The following SAMD5 variants were observed in gnomAD, a reference collection of about 807,000 sequenced individuals.
SAMD5 encodes sterile alpha motif domain containing 5.
Under a neutral mutation model 11.3 loss-of-function variants are expected in SAMD5, and 13 were observed. The ratio of observed to expected loss-of-function variants is 1.15; its 90% CI spans 0.75 to 1.83. The LOEUF is 1.83. Ranked by LOEUF, SAMD5 falls within the 40% of genes most tolerant of loss-of-function variation. The pLI, the probability that SAMD5 is intolerant of heterozygous loss-of-function variation, is 0.00. For synonymous variants in SAMD5, 129 were observed against 111.3 expected, an observed-to-expected ratio of 1.16 and a Z score of -1.00; for missense variants, 255 against 239.1, an observed-to-expected ratio of 1.07 and a Z score of -0.44.
intron 1 of SAMD5, among the ~76,000 whole-genome samples, chr6:147,714,370 C>A (rs563418408): frequency 6.6e-6 from 1 of 152,106 alleles, no homozygotes; most frequent in African/African-American, 2.4e-5. Flanking sequence ...GGGAAGGCAT[C>A]CCAAAGAGAG....
At chr6:147,930,602 G>A in the SAMD5 span, among the ~76,000 whole-genome samples, 1 of 152,122 alleles carries the variant, frequency 6.6e-6, no homozygotes, top group East Asian at 1.9e-4. Flanking sequence ...TTGGTAGCAT[G>A]GCTCCTAGGG....
chr6:147,654,605 T>C (rs1466681341), intron 1 of SAMD5, among the ~76,000 whole-genome samples: 1 of 152,094 alleles, frequency 6.6e-6, no homozygotes, highest in Non-Finnish European at 1.5e-5. Flanking sequence ...TTTTTCTTCC[T>C]TCTGATTAGC....
chr6:147,603,536 C>T (rs546307250), intron 1 of SAMD5, among the ~76,000 whole-genome samples: 190 of 152,210 alleles, frequency 1.2e-3, no homozygotes, highest in African/African-American at 4.3e-3. Flanking sequence ...GTTGGAGGAG[C>T]GACAAGAATG....
chr6:147,952,841 A>G, the SAMD5 span, among the ~76,000 whole-genome samples: 1 of 152,186 alleles, frequency 6.6e-6, no homozygotes, highest in Non-Finnish European at 1.5e-5. Flanking sequence ...GAAAGAACCT[A>G]TATGAAATAA....
At chr6:147,578,471 C>T (rs1204814050) in intron 1 of SAMD5, among the ~76,000 whole-genome samples, 5 of 152,150 alleles carry the variant, frequency 3.3e-5, no homozygotes, top group African/African-American at 9.7e-5. Context: ...CTTTAAAAAT[C>T]ACATCAGTTA....
At chr6:147,786,312 T>C in the SAMD5 span, among the ~76,000 whole-genome samples, 2 of 152,362 alleles carry the variant, frequency 1.3e-5, no homozygotes, top group Non-Finnish European at 2.9e-5. Flanking sequence ...AATAATCTAT[T>C]ATCCTTGGAA....
the SAMD5 span, among the ~76,000 whole-genome samples, chr6:147,775,823 G>A: frequency 7.3e-3 from 1,106 of 152,282 alleles, 16 homozygotes; most frequent in African/African-American, 0.025. Flanking sequence ...CCAGCTGTGT[G>A]ATCCAAGTCA....
chr6:147,747,818 G>A, the SAMD5 span, among the ~76,000 whole-genome samples: 1 of 152,118 alleles, frequency 6.6e-6, no homozygotes, highest in Non-Finnish European at 1.5e-5. Context: ...CTGCTGCGTT[G>A]GTTGTCTTTA....
intron 1 of SAMD5, among the ~76,000 whole-genome samples, chr6:147,562,280 G>A (rs1370832520): frequency 6.6e-6 from 1 of 152,222 alleles, no homozygotes; most frequent in African/African-American, 2.4e-5. Context: ...GCAGAAGTCT[G>A]TTGAACATGG....
At chr6:147,544,912 A>G (rs1788662649) in intron 1 of SAMD5, among the ~76,000 whole-genome samples, 1 of 152,188 alleles carries the variant, frequency 6.6e-6, no homozygotes, top group Admixed American at 6.5e-5. Context: ...TTCTTTGACA[A>G]CAAAATAAAT....
chr6:147,802,517 A>T, the SAMD5 span, among the ~76,000 whole-genome samples: 1 of 152,204 alleles, frequency 6.6e-6, no homozygotes, highest in Admixed American at 6.5e-5. Flanking sequence ...TATAAAGTTA[A>T]ACATGCATTT....
At chr6:147,851,045 C>T in the SAMD5 span, among the ~76,000 whole-genome samples, 2 of 149,742 alleles carry the variant, frequency 1.3e-5, no homozygotes, top group Non-Finnish European at 3.0e-5. Context: ...CTCCCAGATT[C>T]AAGGGATTCT....
chr6:147,736,905 G>A (rs1262573726), intron 1 of SAMD5, among the ~76,000 whole-genome samples: 1 of 151,832 alleles, frequency 6.6e-6, no homozygotes, highest in Admixed American at 6.6e-5. Flanking sequence ...TGTGTTTGGA[G>A]GTATTTATAT....
At chr6:147,811,026 C>T in the SAMD5 span, among the ~76,000 whole-genome samples, 1 of 152,304 alleles carries the variant, frequency 6.6e-6, no homozygotes, top group East Asian at 1.9e-4. Context: ...TGCTGTGCAA[C>T]ATTGGGCAAG....
intron 1 of SAMD5, among the ~76,000 whole-genome samples, chr6:147,518,187 T>C (rs1031173849): frequency 1.3e-5 from 2 of 152,162 alleles, no homozygotes; most frequent in African/African-American, 4.8e-5. Context: ...AATCAGGATT[T>C]GGATAGTGTA....
the SAMD5 span, among the ~76,000 whole-genome samples, chr6:147,876,204 G>T: frequency 3.9e-5 from 6 of 152,156 alleles, no homozygotes; most frequent in African/African-American, 1.4e-4. Flanking sequence ...TTTTAATCTT[G>T]TGCTGAGCCT....
the SAMD5 span, among the ~76,000 whole-genome samples, chr6:147,922,496 CA>C: frequency 6.6e-6 from 1 of 151,974 alleles, no homozygotes; most frequent in African/African-American, 2.4e-5. Flanking sequence ...CGCTAAAAAT[CA>C]AAAAGAATAT....
At chr6:147,544,107 T>C (rs1185354884) in intron 1 of SAMD5, among the ~76,000 whole-genome samples, 5 of 152,188 alleles carry the variant, frequency 3.3e-5, no homozygotes, top group South Asian at 2.1e-4. Context: ...TAACCCCCAT[T>C]GTGGACAACA....
intron 1 of SAMD5, among the ~76,000 whole-genome samples, chr6:147,619,397 A>G (rs1032306120): frequency 4.6e-5 from 7 of 152,150 alleles, no homozygotes; most frequent in Admixed American, 3.9e-4. Flanking sequence ...CTTGAGAAAA[A>G]CTTCCCGAGT....
Sources: gnomAD v4.1 joint callset for allele counts (sites outside exome capture counted in the v4.1 genomes callset) on GRCh38, gnomAD v4.1.1 for gene constraint, MANE v1.5 for transcripts, NCBI Gene and HGNC (gene_info 2026-07-23, HGNC 2026-07-21) for gene names.